NCALD: variants seen among roughly 807,000 people sequenced by gnomAD.
NCALD encodes the protein neurocalcin delta, also known as neurocalcin-delta.
Under a neutral mutation model 18.6 loss-of-function variants are expected in NCALD, and 10 were observed. That is an observed-to-expected ratio of 0.54 (90% confidence interval 0.33 to 0.91). The LOEUF (loss-of-function observed/expected upper bound fraction) is 0.91, where lower values mean the gene tolerates loss of function less well. Among genes scored for constraint, NCALD ranks in the 40% least tolerant of loss-of-function variants. The pLI, the probability that NCALD is intolerant of heterozygous loss-of-function variation, is 0.03. For synonymous variants in NCALD, 88 were observed against 87.4 expected, an observed-to-expected ratio of 1.01 and a Z score of -0.04; for missense variants, 184 against 247.6, an observed-to-expected ratio of 0.74 and a Z score of 1.72.
chr8:101,976,040 C>T (rs1379783666), intron 2 of NCALD, among the ~76,000 whole-genome samples: 3 of 151,986 alleles, frequency 2.0e-5, no homozygotes, highest in Non-Finnish European at 4.4e-5. Flanking sequence ...GCCAAGATGC[C>T]GTGGGTTCGC....
chr8:101,724,052 C>A (rs938426948), intron 1 of NCALD, among the ~76,000 whole-genome samples: 12 of 152,116 alleles, frequency 7.9e-5, no homozygotes, highest in African/African-American at 2.7e-4. Flanking sequence ...ATTTAAGAAT[C>A]CTAAGAAATT....
intron 1 of NCALD, among the ~76,000 whole-genome samples, chr8:102,062,991 C>T (rs1353768477): frequency 6.6e-6 from 1 of 152,128 alleles, no homozygotes; most frequent in African/African-American, 2.4e-5. Flanking sequence ...TCAAGGACCT[C>T]CAGGGTTGAC....
At chr8:101,948,228 C>A (rs935078773) in intron 2 of NCALD, among the ~76,000 whole-genome samples, 2 of 152,060 alleles carry the variant, frequency 1.3e-5, no homozygotes, top group African/African-American at 4.8e-5. Flanking sequence ...AAGGTATTGG[C>A]CCAAGATATA....
chr8:101,801,411 A>T (rs1231913183), intron 4 of NCALD, among the ~76,000 whole-genome samples: 1 of 150,800 alleles, frequency 6.6e-6, no homozygotes, highest in Admixed American at 6.6e-5. Context: ...CAAAATACAC[A>T]TTTTTTTTTC....
intron 3 of NCALD, among the ~76,000 whole-genome samples, chr8:101,893,187 GA>G (rs1816986088): frequency 6.6e-6 from 1 of 151,954 alleles, no homozygotes; most frequent in African/African-American, 2.4e-5. Context: ...CTACAAGCCA[GA>G]AGAGAGTGGG....
intron 1 of NCALD, 78 bp from the exon 2 acceptor site, chr8:101,719,726 T>C (rs533689377): frequency 1.6e-4 from 219 of 1,353,650 alleles, no homozygotes; most frequent in Non-Finnish European, 2.1e-4. Flanking sequence ...TAATTGTTCC[T>C]TTGGGAAGAA....
intron 3 of NCALD, chr8:101,691,194 T>C: frequency 1.0e-6 from 1 of 985,390 alleles, no homozygotes; most frequent in Non-Finnish European, 1.2e-6. Context: ...TGAGCTAAGA[T>C]TCCTCTGACA....
At chr8:102,074,041 T>C (rs566431392) in intron 1 of NCALD, among the ~76,000 whole-genome samples, 22 of 152,186 alleles carry the variant, frequency 1.4e-4, no homozygotes, top group Non-Finnish European at 2.5e-4. Flanking sequence ...CCATGGTATA[T>C]AGGACTTTCA....
chr8:101,694,865 G>C (rs1385548024), intron 2 of NCALD, among the ~76,000 whole-genome samples: 1 of 152,148 alleles, frequency 6.6e-6, no homozygotes, highest in African/African-American at 2.4e-5. Flanking sequence ...TTTTGCAAAT[G>C]GGAGAAGAGA....
At chr8:101,936,119 G>C (rs1818754416) in intron 2 of NCALD, among the ~76,000 whole-genome samples, 1 of 151,996 alleles carries the variant, frequency 6.6e-6, no homozygotes, top group South Asian at 2.1e-4. Flanking sequence ...AGTGAGGAGG[G>C]GGTTGGTTTG....
chr8:102,116,754 T>C (rs1825802075), intron 1 of NCALD, among the ~76,000 whole-genome samples: 1 of 152,110 alleles, frequency 6.6e-6, no homozygotes, highest in Non-Finnish European at 1.5e-5. Context: ...GCAATCCTCC[T>C]GCCTCGACCT....
At chr8:101,765,997 A>G (rs1811331341) in intron 1 of NCALD, among the ~76,000 whole-genome samples, 2 of 152,112 alleles carry the variant, frequency 1.3e-5, no homozygotes, top group Admixed American at 6.5e-5. Context: ...TCACGTGCAC[A>G]TGTCATTCTC....
chr8:101,926,614 C>T (rs763321981), intron 2 of NCALD, among the ~76,000 whole-genome samples: 13 of 152,154 alleles, frequency 8.5e-5, no homozygotes, highest in African/African-American at 2.7e-4. Flanking sequence ...TCCAAGCTGA[C>T]GATCTACCAG....
At chr8:101,975,069 T>A (rs975145595) in intron 2 of NCALD, among the ~76,000 whole-genome samples, 1 of 152,180 alleles carries the variant, frequency 6.6e-6, no homozygotes, top group South Asian at 2.1e-4. Context: ...AAATGAAATA[T>A]TATAAAGATA....
At chr8:102,026,938 G>C (rs946347403) in intron 1 of NCALD, among the ~76,000 whole-genome samples, 1 of 152,186 alleles carries the variant, frequency 6.6e-6, no homozygotes, top group Non-Finnish European at 1.5e-5. Context: ...CCAAGGCCTG[G>C]GGCTTCCACC....
At position 102,053,474 on chromosome 8, in the gene NCALD, G is replaced by A. The variant is rs1823521643; in HGVS notation, c.-209-33185C>T. Among the ~76,000 whole-genome samples the A allele has an allele frequency of 2.0e-5, 3 of 152,100 alleles. No individual in the cohort carries two copies. The South Asian group carries it at 6.2e-4, about 32-fold the overall frequency. On this transcript the variant is annotated intron_variant, in intron 1 of 6. Coordinates refer to the NCALD transcript ENST00000311028. ...ACCACGTACCATACATCAGGCACTG[G>A]ATTCAGCATTTTCCGTGTGTGATTC...
At chr8:102,008,443 G>A (rs1287956272) in intron 2 of NCALD, among the ~76,000 whole-genome samples, 1 of 149,482 alleles carries the variant, frequency 6.7e-6, no homozygotes, top group Non-Finnish European at 1.5e-5. Flanking sequence ...ATGCTGTTCT[G>A]GCATATTGAT....
At chr8:102,108,455 G>A (rs1463699033) in intron 1 of NCALD, among the ~76,000 whole-genome samples, 1 of 152,198 alleles carries the variant, frequency 6.6e-6, no homozygotes, top group Non-Finnish European at 1.5e-5. Flanking sequence ...GTCCTCAGGT[G>A]TTTTAAATGC....
At chr8:102,054,033 T>G (rs1823545109) in intron 1 of NCALD, among the ~76,000 whole-genome samples, 1 of 152,236 alleles carries the variant, frequency 6.6e-6, no homozygotes, top group Non-Finnish European at 1.5e-5. Context: ...GTAGAACATG[T>G]CAATGGTGAT....
Sources: allele counts gnomAD v4.1 joint callset (sites outside exome capture counted in the v4.1 genomes callset), GRCh38; gene constraint gnomAD v4.1.1; transcripts MANE v1.5; gene names NCBI Gene and HGNC (gene_info 2026-07-23, HGNC 2026-07-21).